The following AFF3 variants were observed in gnomAD, a reference collection of about 807,000 sequenced individuals.
AFF3 encodes the protein ALF transcription elongation factor 3.
In AFF3, 32 loss-of-function variants were observed where a neutral mutation model predicts 129.7. The ratio of observed to expected loss-of-function variants is 0.25; its 90% CI spans 0.19 to 0.33. AFF3 has a LOEUF of 0.33. Ranked by LOEUF, AFF3 falls within the 10% of genes least tolerant of loss-of-function variation. The pLI is 1.00. For synonymous variants in AFF3, 644 were observed against 635.4 expected, an observed-to-expected ratio of 1.01 and a Z score of -0.20; for missense variants, 1,373 against 1,592.0, an observed-to-expected ratio of 0.86 and a Z score of 2.34.
intron 11 of AFF3, among the ~76,000 whole-genome samples, chr2:99,684,900 C>A (rs1342887949): frequency 6.6e-6 from 1 of 151,414 alleles, no homozygotes; most frequent in Non-Finnish European, 1.5e-5. Context: ...TAACTCTAAT[C>A]TCAAAAAAAC....
chr2:100,078,737 A>G (rs1688797962), intron 4 of AFF3, among the ~76,000 whole-genome samples: 1 of 152,104 alleles, frequency 6.6e-6, no homozygotes, highest in Non-Finnish European at 1.5e-5. Flanking sequence ...ACCCCTGGGG[A>G]TACCAAAATC....
intron 7 of AFF3, among the ~76,000 whole-genome samples, chr2:99,974,945 T>C (rs143746707): frequency 1.8e-3 from 281 of 152,286 alleles, no homozygotes; most frequent in Middle Eastern, 3.4e-3. Flanking sequence ...GAAGAAAACA[T>C]CATCAGGTTT....
chr2:99,739,382 A>G (rs1362458852), intron 10 of AFF3, among the ~76,000 whole-genome samples: 2 of 152,066 alleles, frequency 1.3e-5, no homozygotes, highest in Admixed American at 1.3e-4. Flanking sequence ...ACTTATTCTG[A>G]TGGTGCTATT....
chr2:99,907,478 C>T (rs139080870), intron 7 of AFF3, among the ~76,000 whole-genome samples: 93 of 152,088 alleles, frequency 6.1e-4, no homozygotes, highest in African/African-American at 2.2e-3. Flanking sequence ...CTTAATGCTT[C>T]ACTGTGAATC....
intron 15 of AFF3, among the ~76,000 whole-genome samples, chr2:99,590,886 G>A (rs901666126): frequency 2.0e-5 from 3 of 151,932 alleles, no homozygotes; most frequent in East Asian, 2.0e-4. Context: ...CAAGCTACTC[G>A]GGAGGCTGAG....
At chr2:99,957,222 C>T (rs950733299) in intron 7 of AFF3, among the ~76,000 whole-genome samples, 4 of 151,854 alleles carry the variant, frequency 2.6e-5, no homozygotes, top group African/African-American at 9.7e-5. Flanking sequence ...TAGGTAGAGA[C>T]CAATTAGATA....
intron 8 of AFF3, among the ~76,000 whole-genome samples, chr2:99,771,416 A>G (rs867737305): frequency 3.6e-4 from 53 of 148,552 alleles, no homozygotes; most frequent in Admixed American, 8.0e-4. Flanking sequence ...TGAAGAAGAA[A>G]AAAAAAAAAA....
At position 99,689,358 on chromosome 2, in the gene AFF3, C is replaced by G. The variant is rs1262611177; in HGVS notation, c.1092-16769G>C. Among the ~76,000 whole-genome samples, 7 of 152,288 alleles carry G rather than the reference C, an allele frequency of 4.6e-5. No individual in the cohort carries two copies. The East Asian group carries it at 1.4e-3, about 29-fold the overall frequency. On this transcript the variant is annotated intron_variant, in intron 11 of 24. Coordinates refer to ENST00000672756, the MANE Select transcript of AFF3 (RefSeq NM_001386135.1). ...ATGCAAAGTCTTTATAGTTCCACTT[C>G]TCTGAGTCTCGGCCTGGGCTGCCCT... is the stretch of plus-strand genomic sequence containing the variant.
intron 7 of AFF3, among the ~76,000 whole-genome samples, chr2:99,996,527 ATTTTTTTTTTT>A (rs756231548): frequency 0.17 from 19,704 of 114,178 alleles, 1,797 homozygotes; most frequent in East Asian, 0.5. Flanking sequence ...CGCCCGGCTA[ATTTTTTTTTTT>A]TTTTTTTTTT....
intron 7 of AFF3, among the ~76,000 whole-genome samples, chr2:99,943,036 G>T (rs532742824): frequency 6.6e-6 from 1 of 152,248 alleles, no homozygotes; most frequent in South Asian, 2.1e-4. Context: ...CAGCTGTCCT[G>T]AATAAGACCC....
chr2:99,589,036 A>AC (rs1559510447), intron 15 of AFF3, among the ~76,000 whole-genome samples: 1 of 152,086 alleles, frequency 6.6e-6, no homozygotes, highest in African/African-American at 2.4e-5. Context: ...ATTTTATGTA[A>AC]GTCTTTCTGC....
At chr2:99,903,231 A>G (rs896517724) in intron 7 of AFF3, among the ~76,000 whole-genome samples, 2 of 152,198 alleles carry the variant, frequency 1.3e-5, no homozygotes, top group Non-Finnish European at 2.9e-5. Context: ...CACGTAATAG[A>G]TTGTAAGACA....
At chr2:99,795,744 T>C (rs1227089054) in intron 8 of AFF3, among the ~76,000 whole-genome samples, 1 of 151,794 alleles carries the variant, frequency 6.6e-6, no homozygotes, top group Non-Finnish European at 1.5e-5. Flanking sequence ...TCTCCTCTCC[T>C]GTTCATCTAG....
At chr2:99,919,166 A>G (rs1695687033) in intron 7 of AFF3, among the ~76,000 whole-genome samples, 1 of 152,152 alleles carries the variant, frequency 6.6e-6, no homozygotes, top group Admixed American at 6.6e-5. Flanking sequence ...CATGGATGAA[A>G]AACATTTGGG....
rs1680244297 is a variant in AFF3 at position 99,605,544 on chromosome 2, C to T, written c.1185-3923G>A. On this transcript the variant is annotated intron_variant, in intron 13 of 24. Transcript: ENST00000672756. Reference sequence around the variant, plus strand: ...CATTCTGGCCTCAGTGTAGTGACTGCTCCCACCACGGGTGCTTGCAGCTGC... The same window carrying T: ...CATTCTGGCCTCAGTGTAGTGACTGTTCCCACCACGGGTGCTTGCAGCTGC... Among the ~76,000 whole-genome samples, 4 of 152,206 alleles carry T rather than the reference C, an allele frequency of 2.6e-5. No homozygotes were observed. In the South Asian group the frequency reaches 8.3e-4, roughly 31 times the overall value.
intron 4 of AFF3, among the ~76,000 whole-genome samples, 191 bp from the exon 5 acceptor site, chr2:100,009,123 A>G (rs1295075505): frequency 2.6e-5 from 4 of 152,126 alleles, no homozygotes; most frequent in African/African-American, 7.2e-5. Context: ...CTTTGGGGGG[A>G]AAAGAATCCT....
At chr2:100,025,548 T>A (rs530096673) in intron 4 of AFF3, among the ~76,000 whole-genome samples, 1 of 151,826 alleles carries the variant, frequency 6.6e-6, no homozygotes, top group Admixed American at 6.6e-5. Context: ...AGAAAAAAAA[T>A]TCTAAAATTC....
chr2:99,803,251 G>A (rs1686094253), intron 8 of AFF3, among the ~76,000 whole-genome samples: 1 of 152,036 alleles, frequency 6.6e-6, no homozygotes, highest in East Asian at 1.9e-4. Context: ...CACATTTATT[G>A]ATTTGTGTAT....
intron 7 of AFF3, among the ~76,000 whole-genome samples, chr2:100,000,982 G>A (rs938722776): frequency 1.3e-5 from 2 of 152,186 alleles, no homozygotes; most frequent in African/African-American, 2.4e-5. Flanking sequence ...GAATAAACAC[G>A]GGATCACACA....
Sources: gnomAD v4.1 joint callset for allele counts (sites outside exome capture counted in the v4.1 genomes callset) on GRCh38, gnomAD v4.1.1 for gene constraint, MANE v1.5 for transcripts, NCBI Gene and HGNC (gene_info 2026-07-23, HGNC 2026-07-21) for gene names.